Variants in MARK2 observed in about 807,000 individuals in gnomAD.
The protein encoded by MARK2 is serine/threonine-protein kinase MARK2.
In MARK2, 16 loss-of-function variants were observed where a neutral mutation model predicts 89.8. The observed-to-expected ratio is 0.18, with a 90% CI of 0.12 to 0.27. The LOEUF (loss-of-function observed/expected upper bound fraction) is 0.27, where lower values mean the gene tolerates loss of function less well. Ranked by LOEUF, MARK2 falls within the 10% of genes least tolerant of loss-of-function variation. The pLI, the probability that MARK2 is intolerant of heterozygous loss-of-function variation, is 1.00. For synonymous variants in MARK2, 382 were observed against 399.5 expected (o/e 0.96, Z 0.52); for missense variants, 621 against 1,049.9 (o/e 0.59, Z 5.65).
In MARK2 at chr11:63,909,018, G is replaced by A. The variant is rs1941575640; in HGVS notation, c.2148G>A (p.Lys716=). 1.9e-6 allele frequency: 3 copies of A among 1,588,696 alleles called. No homozygotes were observed. The African/African-American group carries it at 4.0e-5, about 21-fold the overall frequency. ...EPNEMMREIR[K]VLDANSCQSE... is the part of the protein sequence containing the mutation. The stretch of plus-strand genomic sequence containing the variant: ...ACGAGATGATGCGGGAGATCCGCAA[G>A]GTGCTGGACGCGAACAGCTGCCAGA... The change falls in exon 19 of 19, where the codon AAG becomes AAA. Residue 716 remains lysine, a synonymous_variant. Coordinates refer to ENST00000402010, the MANE Select transcript of MARK2 (RefSeq NM_001039469.3).
At chr11:63,901,445 G>C (rs1940863951) in intron 11 of MARK2, among the ~76,000 whole-genome samples, 1 of 144,332 alleles carries the variant, frequency 6.9e-6, no homozygotes, top group Non-Finnish European at 1.5e-5. Flanking sequence ...GTCTCTGTGT[G>C]TGTCTGATCG....
intron 1 of MARK2, among the ~76,000 whole-genome samples, chr11:63,842,846 C>T (rs910883442): frequency 6.6e-6 from 1 of 152,138 alleles, no homozygotes; most frequent in African/African-American, 2.4e-5. Flanking sequence ...TCCTCTCCCT[C>T]TTCTTTAAAA....
chr11:63,871,139 C>T (rs1453223955), intron 1 of MARK2, among the ~76,000 whole-genome samples: 2 of 152,100 alleles, frequency 1.3e-5, no homozygotes, highest in South Asian at 2.1e-4. Flanking sequence ...TGTGTACGTG[C>T]GTGCATACAG....
At chr11:63,860,308 C>CT (rs1937675581) in intron 1 of MARK2, among the ~76,000 whole-genome samples, 5 of 152,184 alleles carry the variant, frequency 3.3e-5, no homozygotes, top group Non-Finnish European at 7.3e-5. Context: ...AATCCCAGCA[C>CT]TTTGGGAGGC....
Position 63,902,363 on chromosome 11 carries a change from C to G in MARK2, c.1234+33C>G. 1 of 1,612,932 alleles carries G rather than the reference C, an allele frequency of 6.2e-7. No individual in the cohort carries two copies. The highest frequency in any genetic ancestry group is 8.5e-7 in the Non-Finnish European group (1 of 1,179,426). On this transcript the variant is annotated intron_variant, in intron 12 of 18. Coordinates refer to ENST00000402010, the MANE Select transcript of MARK2 (RefSeq NM_001039469.3). This position sits in a 1 kb window ranked among gnomAD's most constrained non-coding sequence, Gnocchi z 4.2. ...CTTTTGGGAGTTGTAGGTGGGGACT[C>G]ACCCCTCTCCAGAGAGGTTACAGGT...
At chr11:63,889,198 G>T (rs1202677495) in intron 1 of MARK2, among the ~76,000 whole-genome samples, 1 of 152,154 alleles carries the variant, frequency 6.6e-6, no homozygotes, top group Non-Finnish European at 1.5e-5. Context: ...GCGAGGAGGG[G>T]CTGGTGGGAG....
Position 63,901,473 on chromosome 11 carries a change from C to CTTTTTTT in MARK2, c.1101+420_1101+426dup, listed in dbSNP as rs35231498. 3.3e-3 allele frequency among the ~76,000 whole-genome samples: 190 copies of CTTTTTTT among 57,694 alleles called. 25 individuals are homozygous for CTTTTTTT. Among genetic ancestry groups the CTTTTTTT allele is most frequent in the African/African-American group, 4.6e-3 (58 of 12,488 alleles). 37.8% of individuals were successfully genotyped at this position (57,694 alleles called of 152,430 possible). A position where few individuals can be genotyped will look rare whatever the true frequency, so the allele number is the denominator to read the frequency against. On this transcript the variant is annotated intron_variant, in intron 11 of 18. Coordinates refer to ENST00000402010, the MANE Select transcript of MARK2 (RefSeq NM_001039469.3). ...TCTGATCGGAAGTTTGAGTCTGTTGCTTTTTTTTTTTTTTTTTTTTTTGAG... is the reference window on the plus strand; with the variant it reads ...TCTGATCGGAAGTTTGAGTCTGTTGCTTTTTTTTTTTTTTTTTTTTTTTTTTTTTGAG...
chr11:63,888,973 T>TC, intron 1 of MARK2: 1 of 1,350,968 alleles, frequency 7.4e-7, no homozygotes, highest in Non-Finnish European at 9.8e-7. Context: ...GGGTATGTTG[T>TC]CCCCCTTTTT....
intron 1 of MARK2, among the ~76,000 whole-genome samples, chr11:63,843,008 T>TAA (rs376799657): frequency 7.0e-6 from 1 of 143,618 alleles, no homozygotes. Flanking sequence ...AGTAGGAGAT[T>TAA]AAAAAAAAAA....
chr11:63,888,437 C>A, intron 1 of MARK2: 1 of 748,682 alleles, frequency 1.3e-6, no homozygotes, highest in Non-Finnish European at 1.6e-6. Flanking sequence ...CTCTCGCCAG[C>A]TGTTACCCAG....
Position 63,898,641 on chromosome 11 carries a change from C to T in MARK2, c.371C>T (p.Thr124Met), listed in dbSNP as rs753836487. The change falls in exon 5 of 19, where the codon ACG becomes ATG. Residue 124 changes from threonine to methionine, a missense_variant. Thr to Met is a moderately conservative substitution (Grantham distance 81). Transcript: ENST00000402010. ...KLFEVIETEK[T>M]LYLVMEYASG... ...TTTGAAGTGATTGAGACTGAGAAAA[C>T]GCTCTACCTTGTCATGGAGTACGCT... is the stretch of plus-strand genomic sequence containing the variant. 5.0e-6 allele frequency: 8 copies of T among 1,614,010 alleles called. No individual in the cohort carries two copies. Among genetic ancestry groups the T allele is most frequent in the African/African-American group, 1.3e-5 (1 of 74,926 alleles).
chr11:63,908,412 C>G, intron 18 of MARK2, 108 bp downstream of exon 18: 1 of 901,504 alleles, frequency 1.1e-6, no homozygotes, highest in Non-Finnish European at 1.8e-6. Context: ...GTGGTTCTGC[C>G]CTGTCCCTAC....
At chr11:63,844,903 GTTCCT>G (rs1177512696) in intron 1 of MARK2, among the ~76,000 whole-genome samples, 3 of 152,196 alleles carry the variant, frequency 2.0e-5, no homozygotes. Flanking sequence ...CTTCCATGAG[GTTCCT>G]ACTTATGTAT....
chr11:63,871,359 G>T (rs1265635976), intron 1 of MARK2, among the ~76,000 whole-genome samples: 1 of 151,652 alleles, frequency 6.6e-6, no homozygotes, highest in African/African-American at 2.4e-5. Flanking sequence ...GTGTGCAGGT[G>T]TGGCTGAAGA....
chr11:63,901,061 A>G lies in MARK2; in HGVS notation c.1093A>G (p.Ser365Gly). The change falls in exon 11 of 19, where the codon AGC (serine) becomes GGC (glycine). Residue 365 changes from serine to glycine, a missense_variant. This residue lies in a region of MARK2 where 397 missense variants were observed against 567.8 expected (regional missense o/e 0.70). Coordinates refer to ENST00000402010, the MANE Select transcript of MARK2 (RefSeq NM_001039469.3). ...CACCTATCTGCTCCTGGGCTACAAG[A>G]GCTCCGAGGTGTGTGCTCCCCGCCC... is the stretch of plus-strand genomic sequence containing the variant. ...MATYLLLGYK[S>G]SELEGDTITL... is the part of the protein sequence containing the mutation. The G allele has an allele frequency of 6.2e-7, 1 of 1,611,620 alleles. No individual in the cohort carries two copies. The highest frequency in any genetic ancestry group is 8.5e-7 in the Non-Finnish European group (1 of 1,177,802).
At position 63,902,955 on chromosome 11, in the gene MARK2, C is replaced by A; in HGVS notation, c.1417-106C>A. 1 of 1,128,594 alleles carries A rather than the reference C, an allele frequency of 8.9e-7. No homozygotes were observed. Among genetic ancestry groups the A allele is most frequent in the South Asian group, 1.3e-5 (1 of 78,738 alleles). The allele number at this position is 1,128,594 out of a possible 1,614,324, so 69.9% of individuals were successfully genotyped here. On this transcript the variant is annotated intron_variant, in intron 13 of 18. Coordinates refer to ENST00000402010, the MANE Select transcript of MARK2 (RefSeq NM_001039469.3). The surrounding 1 kb of genome is among the most constrained non-coding windows in gnomAD (Gnocchi z 4.2). ...CCTTTCCTTAACCTACCACTGTCTG[C>A]TTCAGGTGGAAGGGACAGGAAGCCT...
At chr11:63,896,724 CATT>C (rs1026543011) in intron 3 of MARK2, among the ~76,000 whole-genome samples, 4 of 152,118 alleles carry the variant, frequency 2.6e-5, no homozygotes, top group African/African-American at 7.2e-5. Flanking sequence ...TCAGTAGAAA[CATT>C]GTTGTCATCA....
Position 63,902,718 on chromosome 11 carries a change from C to T in MARK2, c.1352C>T (p.Ala451Val). 1 of 1,614,096 alleles carries T rather than the reference C, an allele frequency of 6.2e-7. No homozygotes were observed. Among genetic ancestry groups the T allele is most frequent in the Non-Finnish European group, 8.5e-7 (1 of 1,180,018 alleles). The change falls in exon 13 of 19, where the codon GCC becomes GTC. Residue 451 changes from alanine (A) to valine (V), a missense_variant. Ala to Val is a moderately conservative substitution (Grantham distance 64). Around this residue, in one of 5 missense-constraint regions of MARK2, gnomAD observed 397 missense variants for 567.8 expected, o/e 0.70. Coordinates refer to ENST00000402010, the MANE Select transcript of MARK2 (RefSeq NM_001039469.3). The surrounding 1 kb of genome is among the most constrained non-coding windows in gnomAD (Gnocchi z 4.2). The stretch of plus-strand genomic sequence containing the variant: ...TCAGGGCGGAAAGCCAGCAGCACAG[C>T]CAAGGTGCCTGCCAGCCCCCTGCCC... ...RESGRKASST[A>V]KVPASPLPGL... is the part of the protein sequence containing the mutation.
chr11:63,842,937 A>G (rs540238775), intron 1 of MARK2, among the ~76,000 whole-genome samples: 19 of 152,128 alleles, frequency 1.2e-4, no homozygotes, highest in Non-Finnish European at 2.8e-4. Flanking sequence ...GAAGCATAAA[A>G]ATAAACCTTG....
Sources: gnomAD v4.1 joint callset for allele counts (sites outside exome capture counted in the v4.1 genomes callset) on GRCh38, gnomAD v4.1.1 for gene constraint, gnomAD v4.1.1 regional missense constraint, Gnocchi (gnomAD v3.1) non-coding constraint, MANE v1.5 for transcripts, NCBI Gene and HGNC (gene_info 2026-07-23, HGNC 2026-07-21) for gene names.